HTT: variants seen among roughly 807,000 people sequenced by gnomAD.
HTT encodes huntington disease protein.
In HTT, 104 loss-of-function variants were observed where a neutral mutation model predicts 362.3. That is an observed-to-expected ratio of 0.29 (90% CI 0.24 to 0.34). The LOEUF is 0.34. Ranked by LOEUF, HTT falls within the 10% of genes least tolerant of loss-of-function variation. The pLI is 1.00. For synonymous variants in HTT, 1,577 were observed against 1,548.7 expected, an observed-to-expected ratio of 1.02 and a Z score of -0.43; for missense variants, 3,301 against 3,928.6, an observed-to-expected ratio of 0.84 and a Z score of 4.27.
chr4:3,126,716 T>C (rs950808857), intron 11 of HTT, among the ~76,000 whole-genome samples: 1 of 152,356 alleles, frequency 6.6e-6, no homozygotes, highest in South Asian at 2.1e-4. Context: ...AATTTTTATA[T>C]AGCCTTTTTT....
Position 3,174,116 on chromosome 4 carries a change from G to T in HTT, c.4167-605G>T, listed in dbSNP as rs78393218. Among the ~76,000 whole-genome samples the T allele has an allele frequency of 5.9e-5, 9 of 152,044 alleles. 1 individual carries two copies. Among genetic ancestry groups the T allele is most frequent in the Admixed American group, 5.9e-4 (9 of 15,272 alleles). ...TTGTTTTTCCTTTTATAAATTTAGC[G>T]ATTAAATAGCTACAATTAAAACACT... On this transcript the variant is annotated intron_variant, in intron 31 of 66. Coordinates refer to ENST00000355072, the MANE Select transcript of HTT (RefSeq NM_001388492.1).
intron 1 of HTT, among the ~76,000 whole-genome samples, chr4:3,075,517 C>T (rs1374660243): frequency 1.3e-5 from 2 of 152,110 alleles, no homozygotes; most frequent in Admixed American, 1.3e-4. Flanking sequence ...CCACTTCCCT[C>T]TTCTAGTCTG....
rs549071924 is a variant in HTT at position 3,198,343 on chromosome 4, G to A, written c.5369-1389G>A. Among the ~76,000 whole-genome samples the A allele has an allele frequency of 3.5e-5, 5 of 144,228 alleles. No homozygotes were observed. In the South Asian group the frequency reaches 9.3e-4, roughly 27 times the overall value. 94.6% of individuals were successfully genotyped at this position (144,228 alleles called of 152,430 possible). A position where few individuals can be genotyped will look rare whatever the true frequency, so the allele number is the denominator to read the frequency against. Reference sequence around the variant, plus strand: ...GGGTTCAAGCAATTCTTGTGCTCCCGCCTCCCAAATACCTGGGATTACAGG... The same window carrying A: ...GGGTTCAAGCAATTCTTGTGCTCCCACCTCCCAAATACCTGGGATTACAGG... On this transcript the variant is annotated intron_variant, in intron 40 of 66. Transcript: ENST00000355072.
In HTT at chr4:3,236,663, C is replaced by T. The variant is rs187585655; in HGVS notation, c.8891+409C>T. Among the ~76,000 whole-genome samples, 259 of 152,218 alleles carry T rather than the reference C, an allele frequency of 1.7e-3. 2 individuals carry two copies. The highest frequency in any genetic ancestry group is 3.0e-3 in the Admixed American group (46 of 15,304). ...GCCCACGGGGCTGTGGGAGGGGGGC[C>T]GTGGTGCCTGTGAGCAGGGTGAGGA... On this transcript the variant is annotated intron_variant, in intron 64 of 66. Coordinates refer to ENST00000355072, the MANE Select transcript of HTT (RefSeq NM_001388492.1).
In HTT at chr4:3,167,196, G is replaced by A. The variant is rs1307509430; in HGVS notation, c.3865-5124G>A. ...AAGCGATTCTCCTACCTCAGCCTCC[G>A]GAGTAGCTGGGATTACAGGCACCTG... On this transcript the variant is annotated intron_variant, in intron 29 of 66. Transcript: ENST00000355072. 4.6e-5 allele frequency among the ~76,000 whole-genome samples: 7 copies of A among 152,064 alleles called. No individual in the cohort carries two copies. The South Asian group carries it at 8.3e-4, about 18-fold the overall frequency.
In HTT at chr4:3,239,834, C is replaced by T. The variant is rs1223248041; in HGVS notation, c.9216-12C>T. On this transcript the variant is annotated splice_polypyrimidine_tract_variant and intron_variant, in intron 66 of 66. Coordinates refer to ENST00000355072, the MANE Select transcript of HTT (RefSeq NM_001388492.1). The stretch of plus-strand genomic sequence containing the variant: ...CTCATTTGCCGGCCTTTTTCCTTAA[C>T]TCCTGCACCAGCCTCCCACATGTCA... 13 of 1,550,826 alleles carry T rather than the reference C, an allele frequency of 8.4e-6. No individual in the cohort carries two copies. Among genetic ancestry groups the T allele is most frequent in the Non-Finnish European group, 1.0e-5 (12 of 1,146,044 alleles).
chr4:3,181,147 G>T (rs1718506487), intron 36 of HTT, among the ~76,000 whole-genome samples: 1 of 151,972 alleles, frequency 6.6e-6, no homozygotes, highest in Admixed American at 6.6e-5. Context: ...CTCCCAAAGT[G>T]CTAGGATTAC....
chr4:3,187,461 C>T (rs1718821064), intron 38 of HTT, among the ~76,000 whole-genome samples, 190 bp from the exon 39 acceptor site: 1 of 152,190 alleles, frequency 6.6e-6, no homozygotes, highest in African/African-American at 2.4e-5. Context: ...CAAGAGTTTG[C>T]ATTTTTAGCA....
In HTT at chr4:3,105,453, G is replaced by A; in HGVS notation, c.608+17G>A. 1 of 1,581,014 alleles carries A rather than the reference G, an allele frequency of 6.3e-7. No homozygotes were observed. Among genetic ancestry groups the A allele is most frequent in the Non-Finnish European group, 8.7e-7 (1 of 1,149,762 alleles). Reference sequence around the variant, plus strand: ...GAAATGCAGGTAAGTTGTACACTCTGGATGTTGGTTTTTGTCGGGGGCCAG... The same window carrying A: ...GAAATGCAGGTAAGTTGTACACTCTAGATGTTGGTTTTTGTCGGGGGCCAG... On this transcript the variant is annotated intron_variant, in intron 5 of 66. Transcript: ENST00000355072.
chr4:3,179,127 A>G lies in HTT; in HGVS notation c.4612+681A>G, dbSNP rs981313963. Among the ~76,000 whole-genome samples the G allele has an allele frequency of 2.3e-4, 35 of 152,242 alleles. 1 individual carries two copies. The highest frequency in any genetic ancestry group is 6.0e-4 in the African/African-American group (25 of 41,522). ...TCCTAAGACCCTTGCAAACTCCCAG[A>G]TGTGAGAATGGCACTACTACTTAGA... On this transcript the variant is annotated intron_variant, in intron 35 of 66. Coordinates refer to ENST00000355072, the MANE Select transcript of HTT (RefSeq NM_001388492.1).
chr4:3,096,029 C>T (rs767179495), intron 2 of HTT, among the ~76,000 whole-genome samples: 1 of 152,160 alleles, frequency 6.6e-6, no homozygotes, highest in East Asian at 1.9e-4. Context: ...GGTAACAGAA[C>T]GGAAAGAAGT....
At chr4:3,133,070 G>A (rs550889541) in intron 18 of HTT, among the ~76,000 whole-genome samples, 159 bp downstream of exon 18, 21 of 152,262 alleles carry the variant, frequency 1.4e-4, no homozygotes, top group African/African-American at 2.9e-4. Context: ...GAAAGAAAAC[G>A]TTGCCAGTAA....
chr4:3,127,209 C>A, intron 11 of HTT, 55 bp from the exon 12 acceptor site: 2 of 1,294,830 alleles, frequency 1.5e-6, no homozygotes, highest in South Asian at 1.2e-5. Flanking sequence ...GCCTGTGATT[C>A]CCTATTGAAT....
chr4:3,193,006 G>C (rs1313141759), intron 40 of HTT, among the ~76,000 whole-genome samples: 2 of 152,264 alleles, frequency 1.3e-5, no homozygotes, highest in African/African-American at 4.8e-5. Flanking sequence ...AGTGACAGAC[G>C]AAATGGGTGG....
intron 21 of HTT, 77 bp from the exon 22 acceptor site, chr4:3,140,433 C>T (rs1206894400): frequency 5.3e-6 from 7 of 1,320,874 alleles, no homozygotes; most frequent in Non-Finnish European, 7.5e-6. Flanking sequence ...GCTTAGCCAT[C>T]TGCAGGGAGG....
At chr4:3,104,278 C>T (rs1387867192) in intron 4 of HTT, among the ~76,000 whole-genome samples, 12 of 151,436 alleles carry the variant, frequency 7.9e-5, no homozygotes, top group African/African-American at 2.2e-4. Flanking sequence ...GGATTACAGG[C>T]GTGAGCCACT....
chr4:3,224,095 T>C lies in HTT; in HGVS notation c.7729T>C (p.Trp2577Arg). The stretch of plus-strand genomic sequence containing the variant: ...TGCCACCCATCATTTATATCAGGCA[T>C]GGGATCCTGTCCCTTCTCTGTCTCC... The part of the protein sequence containing the change: ...NIATHHLYQA[W>R]DPVPSLSPAT... The change falls in exon 56 of 67, where the codon TGG becomes CGG. Residue 2577 changes from tryptophan to arginine, a missense_variant. By Grantham distance (101) the Trp-to-Arg change is moderately radical. Transcript: ENST00000355072. The C allele has an allele frequency of 6.2e-7, 1 of 1,614,090 alleles. No homozygotes were observed. The highest frequency in any genetic ancestry group is 8.5e-7 in the Non-Finnish European group (1 of 1,179,956).
At chr4:3,197,145 G>A (rs1281647258) in intron 40 of HTT, among the ~76,000 whole-genome samples, 2 of 152,084 alleles carry the variant, frequency 1.3e-5, no homozygotes, top group Non-Finnish European at 2.9e-5. Context: ...TTAATTGATT[G>A]TGTTCCTCGA....
At chr4:3,207,489 A>G (rs953696958) in intron 45 of HTT, 132 bp downstream of exon 45, 2 of 689,342 alleles carry the variant, frequency 2.9e-6, no homozygotes, top group African/African-American at 1.8e-5. Context: ...CAGAAGTGCC[A>G]TAATAGAACC....
Sources: gnomAD v4.1 joint callset for allele counts (sites outside exome capture counted in the v4.1 genomes callset) on GRCh38, gnomAD v4.1.1 for gene constraint, MANE v1.5 for transcripts, NCBI Gene and HGNC (gene_info 2026-07-23, HGNC 2026-07-21) for gene names.